Variants in CD55 observed in about 807,000 individuals in gnomAD.
The protein encoded by CD55 is CD55 molecule (Cromer blood group), also known as complement decay-accelerating factor.
In CD55, 41 loss-of-function variants were observed where a neutral mutation model predicts 45.8. The observed-to-expected ratio is 0.90, with a 90% CI of 0.70 to 1.16. The LOEUF is 1.16. Ranked by LOEUF, CD55 falls within the 50% of genes most tolerant of loss-of-function variation. The pLI, the probability that CD55 is intolerant of heterozygous loss-of-function variation, is 0.00. For synonymous variants in CD55, 181 were observed against 181.1 expected (o/e 1.00, Z 0.01); for missense variants, 416 against 469.8 (o/e 0.89, Z 1.06).
intron 5 of CD55, among the ~76,000 whole-genome samples, chr1:207,328,222 C>G (rs1242848622): frequency 1.3e-5 from 2 of 152,198 alleles, no homozygotes. Context: ...CTCCTTGACT[C>G]TTCTATCCTC....
intron 9 of CD55, among the ~76,000 whole-genome samples, chr1:207,342,079 A>T (rs1410067388): frequency 6.6e-6 from 1 of 151,864 alleles, no homozygotes; most frequent in Non-Finnish European, 1.5e-5. Flanking sequence ...TGATTTTTGT[A>T]TGTTGATCTT....
intron 6 of CD55, among the ~76,000 whole-genome samples, chr1:207,331,765 A>G (rs1296087870): frequency 6.6e-6 from 1 of 152,154 alleles, no homozygotes; most frequent in Non-Finnish European, 1.5e-5. Context: ...AATTTCTATT[A>G]TTATCCATTC....
At chr1:207,338,668 A>G (rs1655286845) in intron 8 of CD55, among the ~76,000 whole-genome samples, 1 of 152,144 alleles carries the variant, frequency 6.6e-6, no homozygotes, top group African/African-American at 2.4e-5. Context: ...CTATAGTGAT[A>G]TGTTCCGTTC....
rs1215605703 is a variant in CD55 at position 207,359,607 on chromosome 1, T to G, written c.1143T>G (p.Thr381=). The G allele has an allele frequency of 6.3e-7, 1 of 1,597,096 alleles. No individual in the cohort carries two copies. The highest frequency in any genetic ancestry group is 1.7e-5 in the Admixed American group (1 of 57,148). Residue 381 remains threonine (T), a synonymous_variant, in exon 10 of 10, where the codon ACT becomes ACG. Transcript: ENST00000367064. ...LGTLVTMGLL[T] ...CGCTAGTAACCATGGGCTTGCTGAC[T>G]TAGCCAAAGAAGAGTTAAGAAGAAA...
chr1:207,321,882 C>T lies in CD55; in HGVS notation c.100+17C>T, dbSNP rs762580313. On this transcript the variant is annotated intron_variant, in intron 1 of 9. Coordinates refer to ENST00000367064, the MANE Select transcript of CD55 (RefSeq NM_000574.5). ...CCGTGTGGGGTGAGTAGGGGCCCGG[C>T]GGCCGGGGAAGCCCCTGGGCTGGGT... is the stretch of plus-strand genomic sequence containing the variant. 13 of 1,500,362 alleles carry T rather than the reference C, an allele frequency of 8.7e-6. No homozygotes were observed. In the South Asian group the frequency reaches 1.1e-4, roughly 13 times the overall value. 92.9% of individuals were successfully genotyped at this position (1,500,362 alleles called of 1,614,324 possible).
At position 207,349,693 on chromosome 1, in the gene CD55, T is replaced by C. The variant is rs1270364513; in HGVS notation, c.1082-9853T>C. On this transcript the variant is annotated intron_variant, in intron 9 of 9. Coordinates refer to ENST00000367064, the MANE Select transcript of CD55 (RefSeq NM_000574.5). ...TTGGCTGTCAGCTTGACATTGTTGG[T>C]GTATAGAAATGCTTCTGATTTTTGT... Among the ~76,000 whole-genome samples the C allele has an allele frequency of 2.0e-5, 3 of 152,212 alleles. No homozygotes were observed. The East Asian group carries it at 5.8e-4, about 29-fold the overall frequency.
Position 207,358,214 on chromosome 1 carries a change from T to G in CD55, c.1082-1332T>G, listed in dbSNP as rs79758302. On this transcript the variant is annotated intron_variant, in intron 9 of 9. Coordinates refer to ENST00000367064, the MANE Select transcript of CD55 (RefSeq NM_000574.5). ...GCTTTATTTTGGAAACATAAGCTGT[T>G]GAGGGTAAGAGCTAGCTTTATATAT... 1.1e-3 allele frequency among the ~76,000 whole-genome samples: 172 copies of G among 152,332 alleles called. 1 individual carries two copies. The highest frequency in any genetic ancestry group is 4.1e-3 in the African/African-American group (170 of 41,590).
intron 9 of CD55, among the ~76,000 whole-genome samples, chr1:207,350,453 G>C (rs1253799257): frequency 1.3e-5 from 2 of 152,074 alleles, no homozygotes; most frequent in Non-Finnish European, 2.9e-5. Flanking sequence ...TGTATGTTTG[G>C]TGGAATTTGT....
chr1:207,358,536 G>A (rs943998807), intron 9 of CD55: 2 of 152,132 alleles, frequency 1.3e-5, no homozygotes, highest in African/African-American at 4.8e-5. Context: ...GCACATGAGA[G>A]CAACAAAGTA....
intron 9 of CD55, chr1:207,354,124 G>A (rs1655994040): frequency 6.6e-7 from 1 of 1,513,428 alleles, no homozygotes; most frequent in Admixed American, 2.0e-5. Flanking sequence ...TTCTAAGTTG[G>A]GTTCTTTGGC....
chr1:207,331,397 T>C (rs564707317), intron 6 of CD55, 101 bp downstream of exon 6: 18 of 932,446 alleles, frequency 1.9e-5, no homozygotes, highest in African/African-American at 3.4e-5. Context: ...AAATGTAAAA[T>C]GTTTACATAT....
chr1:207,330,336 A>AC (rs1425365738), intron 5 of CD55, among the ~76,000 whole-genome samples: 1 of 152,018 alleles, frequency 6.6e-6, no homozygotes, highest in East Asian at 1.9e-4. Flanking sequence ...TTCTTAAAAA[A>AC]AAAAAAAAGG....
chr1:207,336,672 T>C, intron 6 of CD55, 21 bp from the exon 7 acceptor site: 1 of 1,612,598 alleles, frequency 6.2e-7, no homozygotes, highest in Non-Finnish European at 8.5e-7. Context: ...CTAACTTGTT[T>C]CTCAACCTTT....
intron 9 of CD55, among the ~76,000 whole-genome samples, chr1:207,341,738 G>A (rs1160601887): frequency 6.6e-6 from 1 of 151,696 alleles, no homozygotes; most frequent in Non-Finnish European, 1.5e-5. Context: ...GACTCTTTTG[G>A]TTCCACAATC....
intron 9 of CD55, chr1:207,350,188 C>G (rs542868331): frequency 2.3e-6 from 1 of 438,688 alleles, no homozygotes; most frequent in South Asian, 1.6e-5. Context: ...GTTGAGCCAA[C>G]CTTGCATCCC....
intron 9 of CD55, 150 bp downstream of exon 9, chr1:207,339,567 G>A (rs1458988530): frequency 2.4e-5 from 15 of 628,654 alleles, no homozygotes; most frequent in East Asian, 5.7e-5. Context: ...AACTTTAAAC[G>A]TCACTCAAAT....
intron 9 of CD55, among the ~76,000 whole-genome samples, chr1:207,356,633 A>G (rs1040983094): frequency 3.3e-5 from 5 of 152,128 alleles, no homozygotes; most frequent in African/African-American, 1.2e-4. Context: ...CAGCAGACAA[A>G]TGGGGGAAAT....
chr1:207,351,819 C>A lies in CD55; in HGVS notation c.1082-7727C>A, dbSNP rs370394955. ...TCCTGAAATTCTTTAAGTATTATACCCTTTGATTTTCTAGAAAACTTTCCT... is the reference window on the plus strand; with the variant it reads ...TCCTGAAATTCTTTAAGTATTATACACTTTGATTTTCTAGAAAACTTTCCT... On this transcript the variant is annotated intron_variant, in intron 9 of 9. Transcript: ENST00000367064. Among the ~76,000 whole-genome samples, 161 of 151,978 alleles carry A rather than the reference C, an allele frequency of 1.1e-3. 6 individuals are homozygous for A. The South Asian group carries it at 0.033, about 31-fold the overall frequency.
rs1294525833 is a variant in CD55, at chr1:207,339,383, C to T, written c.1061-14C>T. ...ATTTTTGTTGTTAATCCTTTTTTTC[C>T]CCTTCGTCTGTAGGTACTACCCGTC... On this transcript the variant is annotated splice_polypyrimidine_tract_variant and intron_variant, in intron 8 of 9. Coordinates refer to ENST00000367064, the MANE Select transcript of CD55 (RefSeq NM_000574.5). 7 of 1,597,752 alleles carry T rather than the reference C, an allele frequency of 4.4e-6. No homozygotes were observed. The African/African-American group carries it at 8.1e-5, about 19-fold the overall frequency.
Sources: gnomAD v4.1 joint callset for allele counts (sites outside exome capture counted in the v4.1 genomes callset) on GRCh38, gnomAD v4.1.1 for gene constraint, MANE v1.5 for transcripts, NCBI Gene and HGNC (gene_info 2026-07-23, HGNC 2026-07-21) for gene names.